Variants in ATP2B4 observed in about 807,000 individuals in gnomAD.
ATP2B4 encodes plasma membrane calcium-transporting ATPase 4.
In ATP2B4, 39 loss-of-function variants were observed where a neutral mutation model predicts 110.3. The ratio of observed to expected loss-of-function variants is 0.35; its 90% CI spans 0.27 to 0.46. The LOEUF (loss-of-function observed/expected upper bound fraction) is 0.46, where lower values mean the gene tolerates loss of function less well. Ranked by LOEUF, ATP2B4 falls within the 20% of genes least tolerant of loss-of-function variation. The pLI is 1.00. For synonymous variants in ATP2B4, 538 were observed against 571.7 expected, an observed-to-expected ratio of 0.94 and a Z score of 0.84; for missense variants, 1,135 against 1,530.9, an observed-to-expected ratio of 0.74 and a Z score of 4.32.
chr1:203,638,795 T>G (rs546282178), intron 1 of ATP2B4, among the ~76,000 whole-genome samples: 136 of 152,118 alleles, frequency 8.9e-4, no homozygotes, highest in Non-Finnish European at 1.6e-3. Context: ...CTAGGAGCAG[T>G]TTGGAAGACA....
At chr1:203,641,186 T>C (rs770790874) in intron 1 of ATP2B4, among the ~76,000 whole-genome samples, 18 of 152,210 alleles carry the variant, frequency 1.2e-4, no homozygotes, top group African/African-American at 2.4e-5. Context: ...ACAGGACCCA[T>C]TGTGGGTGAA....
chr1:203,668,315 A>G (rs1028321599), intron 1 of ATP2B4, among the ~76,000 whole-genome samples: 2 of 152,140 alleles, frequency 1.3e-5, no homozygotes, highest in South Asian at 4.1e-4. Flanking sequence ...TAATCTGTCT[A>G]GTCTTCTGCC....
Position 203,744,030 on chromosome 1 carries a change from C to G in ATP2B4, c.*4176C>G, listed in dbSNP as rs1448159309. 6.6e-6 allele frequency: 1 copy of G among 152,584 alleles called. No homozygotes were observed. The highest frequency in any genetic ancestry group is 1.5e-5 in the Non-Finnish European group (1 of 68,040). 9.5% of individuals were successfully genotyped at this position (152,584 alleles called of 1,614,324 possible). A position where few individuals can be genotyped will look rare whatever the true frequency, so the allele number is the denominator to read the frequency against. On this transcript the variant is annotated 3_prime_UTR_variant, in exon 21 of 21. Coordinates refer to ENST00000357681, the MANE Select transcript of ATP2B4 (RefSeq NM_001684.5). ...GCCAATAAAGCTTTTTGCTGATGAA[C>G]AGAAACCAATACTGCTGTGCACTGA...
At position 203,683,374 on chromosome 1, in the gene ATP2B4, A is replaced by G. The variant is rs1665074896; in HGVS notation, c.169A>G (p.Arg57Gly). ...HYGGVQNLCSRLKTSPVEGLS... is the reference protein window; with the variant it reads ...HYGGVQNLCSGLKTSPVEGLS... ...TGGAGGTGTACAGAATCTCTGCAGTAGACTGAAAACCTCCCCTGTGGAAGG... is the reference window on the plus strand; with the variant it reads ...TGGAGGTGTACAGAATCTCTGCAGTGGACTGAAAACCTCCCCTGTGGAAGG... The change falls in exon 2 of 21, where the codon AGA (arginine) becomes GGA (glycine). Residue 57 changes from arginine to glycine, a missense_variant. Around this residue, in one of 9 missense-constraint regions of ATP2B4, gnomAD observed 122 missense variants for 125.2 expected, o/e 0.97. Coordinates refer to ENST00000357681, the MANE Select transcript of ATP2B4 (RefSeq NM_001684.5). 1 of 1,612,610 alleles carries G rather than the reference A, an allele frequency of 6.2e-7. No homozygotes were observed. Among genetic ancestry groups the G allele is most frequent in the South Asian group, 1.1e-5 (1 of 90,782 alleles).
At chr1:203,647,629 C>G (rs914763553) in intron 1 of ATP2B4, among the ~76,000 whole-genome samples, 1 of 151,986 alleles carries the variant, frequency 6.6e-6, no homozygotes, top group African/African-American at 2.4e-5. Flanking sequence ...CGTGGTAGTG[C>G]ATGTCTGTGG....
chr1:203,657,352 C>G (rs923637091), intron 1 of ATP2B4: 1 of 745,324 alleles, frequency 1.3e-6, no homozygotes, highest in Admixed American at 2.0e-5. Flanking sequence ...ACTTTTAATA[C>G]GTCTGTTTCT....
chr1:203,688,270 C>T (rs546747261), intron 2 of ATP2B4, among the ~76,000 whole-genome samples: 51 of 151,438 alleles, frequency 3.4e-4, no homozygotes, highest in Admixed American at 1.1e-3. Flanking sequence ...AGGCATGAGC[C>T]GCCACTGACC....
chr1:203,689,654 A>G (rs4951378), intron 2 of ATP2B4, among the ~76,000 whole-genome samples: 127,177 of 152,212 alleles, frequency 0.84, 53,832 homozygotes, highest in East Asian at 0.97. Context: ...ATTCTTTTTC[A>G]ACAACATTCA....
At chr1:203,685,170 TA>T (rs1309288085) in intron 2 of ATP2B4, among the ~76,000 whole-genome samples, 1 of 152,182 alleles carries the variant, frequency 6.6e-6, no homozygotes, top group South Asian at 2.1e-4. Flanking sequence ...TCTTAAAAGC[TA>T]AAAAAACTTA....
At chr1:203,665,799 C>G (rs74331820) in intron 1 of ATP2B4, among the ~76,000 whole-genome samples, 2 of 132,692 alleles carry the variant, frequency 1.5e-5, no homozygotes, top group African/African-American at 5.7e-5. Context: ...GACTCCATCT[C>G]AAAAAAAAAA....
At chr1:203,634,373 TCTCA>T in intron 1 of ATP2B4, among the ~76,000 whole-genome samples, 1 of 152,326 alleles carries the variant, frequency 6.6e-6, no homozygotes, top group Non-Finnish European at 1.5e-5. Flanking sequence ...AGAGATAGGG[TCTCA>T]CTCTGTCAGC....
chr1:203,670,949 G>C (rs1362627670), intron 1 of ATP2B4, among the ~76,000 whole-genome samples: 1 of 152,182 alleles, frequency 6.6e-6, no homozygotes, highest in Non-Finnish European at 1.5e-5. Context: ...TATCATATGA[G>C]ATGGGAGGAA....
Position 203,707,860 on chromosome 1 carries a change from A to T in ATP2B4, c.1315-2A>T. The T allele has an allele frequency of 6.2e-7, 1 of 1,613,674 alleles. No homozygotes were observed. The highest frequency in any genetic ancestry group is 8.5e-7 in the Non-Finnish European group (1 of 1,179,552). ...TCAAGTCTTTTCTCTTCTCCTTTGT[A>T]GAAAATGATGAAAGACAATAACCTA... On this transcript the variant is annotated splice_acceptor_variant, in intron 9 of 20. Coordinates refer to ENST00000357681, the MANE Select transcript of ATP2B4 (RefSeq NM_001684.5). LOFTEE classifies it high-confidence loss of function.
chr1:203,725,942 C>A (rs1047920648), intron 19 of ATP2B4, among the ~76,000 whole-genome samples: 3 of 123,502 alleles, frequency 2.4e-5, no homozygotes, highest in Non-Finnish European at 4.8e-5. Flanking sequence ...ATGGGGGTCT[C>A]AGGCCAGGCG....
chr1:203,649,327 A>T (rs2102315528), intron 1 of ATP2B4, among the ~76,000 whole-genome samples: 1 of 152,292 alleles, frequency 6.6e-6, no homozygotes, highest in Middle Eastern at 3.5e-3. Context: ...TCCATTCTTG[A>T]CCAAGCTAGT....
At chr1:203,702,770 T>C (rs1203769363) in intron 7 of ATP2B4, among the ~76,000 whole-genome samples, 2 of 152,224 alleles carry the variant, frequency 1.3e-5, no homozygotes, top group East Asian at 3.8e-4. Flanking sequence ...AGTGGAGTGG[T>C]GCTGGGAGCC....
intron 1 of ATP2B4, among the ~76,000 whole-genome samples, chr1:203,675,849 G>A (rs573449653): frequency 4.6e-5 from 7 of 152,238 alleles, no homozygotes; most frequent in Middle Eastern, 3.4e-3. Flanking sequence ...CTTTCCTTGG[G>A]TCTCTGGGAA....
intron 1 of ATP2B4, among the ~76,000 whole-genome samples, chr1:203,680,608 C>CAAAAAAAAAAA (rs372298550): frequency 1.1e-4 from 14 of 130,784 alleles, no homozygotes; most frequent in Non-Finnish European, 1.6e-4. Flanking sequence ...GACTCCGTCT[C>CAAAAAAAAAAA]AAAAAAAAAA....
chr1:203,668,840 G>A (rs982600770), intron 1 of ATP2B4, among the ~76,000 whole-genome samples: 2 of 152,214 alleles, frequency 1.3e-5, no homozygotes, highest in Non-Finnish European at 2.9e-5. Context: ...GGAGATGTGG[G>A]AAAAGAGAAT....
Sources: allele counts gnomAD v4.1 joint callset (sites outside exome capture counted in the v4.1 genomes callset), GRCh38; gene constraint gnomAD v4.1.1; regional missense constraint gnomAD v4.1.1; transcripts MANE v1.5; gene names NCBI Gene and HGNC (gene_info 2026-07-23, HGNC 2026-07-21).